ERC1: variants seen among roughly 807,000 people sequenced by gnomAD.
ERC1 encodes the protein RAB6 interacting protein 2.
In ERC1, 56 loss-of-function variants were observed where a neutral mutation model predicts 132.0. The observed-to-expected ratio is 0.42, with a 90% CI of 0.34 to 0.53. ERC1 has a LOEUF of 0.53. Ranked by LOEUF, ERC1 falls within the 20% of genes least tolerant of loss-of-function variation. ERC1 has a pLI of 0.03. For missense variants in ERC1, 1,202 were observed against 1,349.9 expected (o/e 0.89, Z 1.72); for synonymous variants, 478 against 476.1 (o/e 1.00, Z -0.05).
chr12:1,436,550 A>G (rs74059527), intron 17 of ERC1, among the ~76,000 whole-genome samples: 2,057 of 152,270 alleles, frequency 0.014, 45 homozygotes, highest in African/African-American at 0.047. Context: ...TTATGAGGTT[A>G]TTATACTCTT....
intron 16 of ERC1, among the ~76,000 whole-genome samples, chr12:1,402,960 ACTTTTT>A (rs796738650): frequency 1.2e-4 from 19 of 152,338 alleles, no homozygotes; most frequent in African/African-American, 3.4e-4. Context: ...TAGAATTTAA[ACTTTTT>A]CTTTTAATAG....
chr12:1,342,415 C>T (rs2083990774), intron 15 of ERC1, among the ~76,000 whole-genome samples: 1 of 145,006 alleles, frequency 6.9e-6, no homozygotes, highest in Non-Finnish European at 1.5e-5. Flanking sequence ...TGCAGTGAGC[C>T]AAGATTGCGC....
chr12:1,236,452 C>T (rs984208507), intron 12 of ERC1, among the ~76,000 whole-genome samples: 6 of 152,180 alleles, frequency 3.9e-5, no homozygotes, highest in African/African-American at 1.4e-4. Flanking sequence ...AATACTGCTT[C>T]CGTATTTCCA....
chr12:1,224,166 G>A (rs2074371820), intron 12 of ERC1, among the ~76,000 whole-genome samples: 1 of 152,020 alleles, frequency 6.6e-6, no homozygotes. Context: ...ATAATAATGA[G>A]GCAAGAAAAT....
At chr12:1,325,295 C>T (rs767630752) in intron 15 of ERC1, among the ~76,000 whole-genome samples, 32 of 152,154 alleles carry the variant, frequency 2.1e-4, no homozygotes, top group Non-Finnish European at 7.4e-5. Flanking sequence ...TGCTTAGTTT[C>T]GCTTGATGAT....
intron 1 of ERC1, among the ~76,000 whole-genome samples, chr12:1,013,575 A>G (rs1965034526): frequency 6.6e-6 from 1 of 152,146 alleles, no homozygotes; most frequent in South Asian, 2.1e-4. Flanking sequence ...ACTGTCGTGT[A>G]GTTTTAGTCT....
At chr12:1,352,800 T>C (rs2085135350) in intron 15 of ERC1, among the ~76,000 whole-genome samples, 1 of 152,198 alleles carries the variant, frequency 6.6e-6, no homozygotes, top group Admixed American at 6.5e-5. Context: ...TTCTATTGCT[T>C]TTTCTCTTTT....
At chr12:1,102,384 CA>C in intron 3 of ERC1, among the ~76,000 whole-genome samples, 1 of 152,214 alleles carries the variant, frequency 6.6e-6, no homozygotes, top group Non-Finnish European at 1.5e-5. Flanking sequence ...ATACAGAAGA[CA>C]GTTTCTAAAA....
chr12:1,064,420 G>C (rs1295499830), intron 2 of ERC1, among the ~76,000 whole-genome samples: 1 of 151,864 alleles, frequency 6.6e-6, no homozygotes, highest in South Asian at 2.1e-4. Context: ...TTAGAGATAG[G>C]GTCTTGCTCC....
At chr12:1,183,455 C>T in intron 11 of ERC1, 34 bp downstream of exon 11, 1 of 1,507,306 alleles carries the variant, frequency 6.6e-7, no homozygotes, top group Non-Finnish European at 9.1e-7. Flanking sequence ...TTTTGCTTTG[C>T]CTTAAATAAG....
chr12:1,129,800 G>A (rs994454520), intron 7 of ERC1, among the ~76,000 whole-genome samples: 1 of 148,478 alleles, frequency 6.7e-6, no homozygotes, highest in Non-Finnish European at 1.5e-5. Flanking sequence ...ACTGTTAAAA[G>A]ATGTATGTTA....
intron 18 of ERC1, among the ~76,000 whole-genome samples, chr12:1,487,969 T>C (rs1334827014): frequency 6.6e-6 from 1 of 151,738 alleles, no homozygotes; most frequent in East Asian, 1.9e-4. Flanking sequence ...AAGCCCTGTC[T>C]CTACTAAAAA....
chr12:1,251,864 C>T (rs2076489627), intron 13 of ERC1, among the ~76,000 whole-genome samples: 1 of 152,148 alleles, frequency 6.6e-6, no homozygotes, highest in Non-Finnish European at 1.5e-5. Context: ...TTATTAAAAA[C>T]TGGACTACTA....
At chr12:1,058,970 A>G (rs1248876882) in intron 2 of ERC1, among the ~76,000 whole-genome samples, 1 of 151,958 alleles carries the variant, frequency 6.6e-6, no homozygotes, top group Non-Finnish European at 1.5e-5. Context: ...ATCCATGAAC[A>G]TGGGATGTCT....
chr12:1,346,128 G>C (rs115273887), intron 15 of ERC1, among the ~76,000 whole-genome samples: 555 of 152,114 alleles, frequency 3.6e-3, no homozygotes, highest in African/African-American at 0.013. Context: ...GATCTCCACT[G>C]TCTTTGTGGA....
intron 8 of ERC1, among the ~76,000 whole-genome samples, chr12:1,147,916 A>C (rs1378120407): frequency 6.6e-6 from 1 of 152,100 alleles, no homozygotes; most frequent in Non-Finnish European, 1.5e-5. Flanking sequence ...AGGGGCATAT[A>C]TTTTACTTTT....
intron 18 of ERC1, among the ~76,000 whole-genome samples, chr12:1,476,238 G>A (rs1175591260): frequency 1.3e-5 from 2 of 150,858 alleles, no homozygotes; most frequent in East Asian, 1.9e-4. Flanking sequence ...CCAGGGCGAC[G>A]GAGCAAGACT....
intron 18 of ERC1, among the ~76,000 whole-genome samples, chr12:1,483,668 C>CTTTTTTTTTTTTTTTTTT (rs35596394): frequency 7.2e-5 from 4 of 55,190 alleles, no homozygotes; most frequent in Non-Finnish European, 7.1e-5. Flanking sequence ...CCACTGAGAG[C>CTTTTTTTTTTTTTTTTTT]TTTTTTTTTT....
intron 17 of ERC1, among the ~76,000 whole-genome samples, chr12:1,420,932 G>GCA (rs2092403455): frequency 9.2e-6 from 1 of 108,152 alleles, no homozygotes; most frequent in African/African-American, 3.7e-5. Flanking sequence ...GGGGGGGGGG[G>GCA]GTTAATTATA....
Sources: gnomAD v4.1 joint callset for allele counts (sites outside exome capture counted in the v4.1 genomes callset) on GRCh38, gnomAD v4.1.1 for gene constraint, MANE v1.5 for transcripts, NCBI Gene and HGNC (gene_info 2026-07-23, HGNC 2026-07-21) for gene names.